DIAPH2: variants seen among roughly 807,000 people sequenced by gnomAD.
DIAPH2 encodes protein diaphanous homolog 2.
In DIAPH2, 35 loss-of-function variants were observed where a neutral mutation model predicts 92.7. The observed-to-expected ratio is 0.38, with a 90% confidence interval of 0.29 to 0.50. The LOEUF is 0.50. Ranked by LOEUF, DIAPH2 falls within the 20% of genes least tolerant of loss-of-function variation. The pLI, the probability that DIAPH2 is intolerant of heterozygous loss-of-function variation, is 0.94. For synonymous variants in DIAPH2, 301 were observed against 280.4 expected, an observed-to-expected ratio of 1.07 and a Z score of -0.73; for missense variants, 701 against 819.5, an observed-to-expected ratio of 0.86 and a Z score of 1.77.
chrX:96,940,840 C>A lies in DIAPH2; in HGVS notation c.1326-1178C>A, dbSNP rs895264181. Among the ~76,000 whole-genome samples, 3 of 110,958 alleles carry A rather than the reference C, an allele frequency of 2.7e-5. No individual in the cohort carries two copies. In the Admixed American group the frequency reaches 2.9e-4, roughly 11 times the overall value. The stretch of plus-strand genomic sequence containing the variant: ...GGAACATCATTTATGTGAAAGTATC[C>A]ATTTCTCAGCAACTATGAATAAATA... On this transcript the variant is annotated intron_variant, in intron 12 of 26. Transcript: ENST00000324765.
At chrX:96,986,029 A>C (rs1387894505) in intron 17 of DIAPH2, among the ~76,000 whole-genome samples, 6 of 111,601 alleles carry the variant, frequency 5.4e-5, no homozygotes, top group African/African-American at 1.9e-4. Flanking sequence ...AAGGTCTTGA[A>C]AAAATATAAA....
chrX:97,000,646 C>T (rs1379252301), intron 17 of DIAPH2, among the ~76,000 whole-genome samples: 1 of 110,969 alleles, frequency 9.0e-6, no homozygotes, highest in African/African-American at 3.3e-5. Flanking sequence ...CACACACACA[C>T]ACACACGTAT....
intron 13 of DIAPH2, among the ~76,000 whole-genome samples, chrX:96,945,229 T>C (rs1199850663): frequency 1.8e-5 from 2 of 111,360 alleles, no homozygotes; most frequent in African/African-American, 6.5e-5. Context: ...TAATAAACCA[T>C]AGGATTCTGA....
chrX:96,965,873 T>A (rs2147826018), intron 17 of DIAPH2, among the ~76,000 whole-genome samples: 1 of 111,644 alleles, frequency 9.0e-6, no homozygotes, highest in Admixed American at 9.5e-5. Flanking sequence ...TAATTTTTGG[T>A]ATTTTATTTC....
chrX:97,253,288 T>TAAAAAAAAA (rs1322235446), intron 23 of DIAPH2, among the ~76,000 whole-genome samples: 6 of 96,405 alleles, frequency 6.2e-5, no homozygotes, highest in African/African-American at 2.2e-4. Flanking sequence ...TAGGACTCCG[T>TAAAAAAAAA]AAAAAAAAAT....
intron 22 of DIAPH2, among the ~76,000 whole-genome samples, chrX:97,144,972 G>A: frequency 9.0e-6 from 1 of 110,997 alleles, no homozygotes; most frequent in Non-Finnish European, 1.9e-5. Context: ...TCACCATGTT[G>A]GCCAGGCTGT....
At chrX:96,934,193 TCTAA>T (rs2065641848) in intron 10 of DIAPH2, among the ~76,000 whole-genome samples, 1 of 111,873 alleles carries the variant, frequency 8.9e-6, no homozygotes, top group African/African-American at 3.2e-5. Flanking sequence ...TCAACTACTA[TCTAA>T]CCTACTAATG....
chrX:97,499,616 G>T (rs2070781464), intron 26 of DIAPH2, among the ~76,000 whole-genome samples: 1 of 111,483 alleles, frequency 9.0e-6, no homozygotes, highest in South Asian at 3.8e-4. Flanking sequence ...CAAAGGGAAA[G>T]AAATCATTCT....
chrX:97,488,883 G>T (rs1434514443), intron 26 of DIAPH2, among the ~76,000 whole-genome samples: 1 of 111,653 alleles, frequency 9.0e-6, no homozygotes, highest in Non-Finnish European at 1.9e-5. Context: ...AGGAAGTGTG[G>T]CGAATCCAGC....
intron 4 of DIAPH2, among the ~76,000 whole-genome samples, chrX:96,842,419 C>T (rs2064942853): frequency 9.0e-6 from 1 of 111,556 alleles, no homozygotes; most frequent in South Asian, 3.8e-4. Flanking sequence ...GGTATGTTTC[C>T]TTTATATTTG....
intron 22 of DIAPH2, among the ~76,000 whole-genome samples, chrX:97,175,117 A>G (rs1396039345): frequency 1.8e-5 from 2 of 112,037 alleles, no homozygotes; most frequent in Non-Finnish European, 3.8e-5. Flanking sequence ...TAGCTAAGAC[A>G]GTCATGTGCA....
chrX:97,219,143 G>A (rs1018178888), intron 22 of DIAPH2, among the ~76,000 whole-genome samples: 6 of 112,431 alleles, frequency 5.3e-5, no homozygotes, highest in East Asian at 2.8e-4. Context: ...CATAGGCTAC[G>A]TTGTGGATGA....
intron 5 of DIAPH2, among the ~76,000 whole-genome samples, chrX:96,888,881 T>C (rs1284041837): frequency 1.7e-5 from 1 of 59,900 alleles, no homozygotes. Context: ...ACCCAGGCTT[T>C]GTATCTCTCG....
At chrX:96,809,899 T>C (rs1015348102) in intron 4 of DIAPH2, among the ~76,000 whole-genome samples, 4 of 112,607 alleles carry the variant, frequency 3.6e-5, no homozygotes, top group African/African-American at 1.3e-4. Flanking sequence ...TGCCACATTT[T>C]CTTAATCCAA....
At chrX:97,089,505 G>GC (rs2066807582) in intron 19 of DIAPH2, among the ~76,000 whole-genome samples, 1 of 111,353 alleles carries the variant, frequency 9.0e-6, no homozygotes, top group Non-Finnish European at 1.9e-5. Context: ...CCAACATAAA[G>GC]CCAGTCATTG....
intron 26 of DIAPH2, among the ~76,000 whole-genome samples, chrX:97,570,048 C>CTATTATACAA (rs2071353438): frequency 1.3e-5 from 1 of 75,806 alleles, no homozygotes; most frequent in Non-Finnish European, 2.4e-5. Flanking sequence ...TATCCTCAAA[C>CTATTATACAA]TATTATACAA....
intron 22 of DIAPH2, among the ~76,000 whole-genome samples, chrX:97,152,490 A>G (rs1174067508): frequency 1.8e-5 from 2 of 112,047 alleles, no homozygotes; most frequent in Non-Finnish European, 3.8e-5. Context: ...GGTAATTTCT[A>G]AAGAAAAAAA....
At chrX:96,950,826 G>T (rs1304787250) in intron 15 of DIAPH2, among the ~76,000 whole-genome samples, 1 of 111,084 alleles carries the variant, frequency 9.0e-6, no homozygotes, top group Non-Finnish European at 1.9e-5. Context: ...TCTCCCCTTT[G>T]CAGCCTAGGC....
At chrX:97,478,777 C>T (rs2070629049) in intron 26 of DIAPH2, among the ~76,000 whole-genome samples, 1 of 111,622 alleles carries the variant, frequency 9.0e-6, no homozygotes. Context: ...GAAAAATAAA[C>T]AGATATGCAA....
Sources: gnomAD v4.1 joint callset for allele counts (sites outside exome capture counted in the v4.1 genomes callset) on GRCh38, gnomAD v4.1.1 for gene constraint, MANE v1.5 for transcripts, NCBI Gene and HGNC (gene_info 2026-07-23, HGNC 2026-07-21) for gene names.